Variants in U2SURP observed in about 807,000 individuals in gnomAD.
U2SURP encodes U2 snRNP-associated SURP motif-containing protein.
U2SURP carries 9 observed loss-of-function variants against 144.9 expected under a neutral mutation model. The observed-to-expected ratio is 0.06, with a 90% CI of 0.04 to 0.11. The LOEUF (loss-of-function observed/expected upper bound fraction) is 0.11, where lower values mean the gene tolerates loss of function less well. U2SURP is among the 10% of genes least tolerant of loss of function. The pLI, the probability that U2SURP is intolerant of heterozygous loss-of-function variation, is 1.00. For missense variants in U2SURP, 724 were observed against 1,226.7 expected, an observed-to-expected ratio of 0.59 and a Z score of 6.12; for synonymous variants, 408 against 396.8, an observed-to-expected ratio of 1.03 and a Z score of -0.33.
Position 143,038,874 on chromosome 3 carries a change from C to G in U2SURP, c.2318-20C>G. On this transcript the variant is annotated intron_variant, in intron 22 of 27. Coordinates refer to ENST00000473835, the MANE Select transcript of U2SURP (RefSeq NM_001080415.2). ...CTAGTTTACCTCGTGGAATTACATC[C>G]TCCTTTTCCTTTCATTCAGCTGTTA... is the stretch of plus-strand genomic sequence containing the variant. The G allele has an allele frequency of 6.6e-7, 1 of 1,525,338 alleles. No individual in the cohort carries two copies. The highest frequency in any genetic ancestry group is 1.4e-5 in the African/African-American group (1 of 71,368). 94.5% of individuals were successfully genotyped at this position (1,525,338 alleles called of 1,614,324 possible). A position where few individuals can be genotyped will look rare whatever the true frequency, so the allele number is the denominator to read the frequency against.
intron 24 of U2SURP, among the ~76,000 whole-genome samples, chr3:143,048,948 CAA>C (rs1437324549): frequency 2.0e-5 from 3 of 151,706 alleles, no homozygotes; most frequent in African/African-American, 7.3e-5. Context: ...TTCATGAAGT[CAA>C]AAATAGTGAA....
At chr3:143,024,181 A>G (rs1322812859) in intron 13 of U2SURP, among the ~76,000 whole-genome samples, 163 bp downstream of exon 13, 2 of 152,110 alleles carry the variant, frequency 1.3e-5, no homozygotes, top group African/African-American at 4.8e-5. Flanking sequence ...ACTTTTGTAT[A>G]CTTTGCAATT....
intron 23 of U2SURP, among the ~76,000 whole-genome samples, chr3:143,039,459 T>A (rs975125967): frequency 1.3e-5 from 2 of 151,928 alleles, no homozygotes; most frequent in African/African-American, 4.8e-5. Context: ...TTTTGCTGTT[T>A]GGTAATCACC....
intron 14 of U2SURP, 59 bp downstream of exon 14, chr3:143,027,312 T>C (rs1199971923): frequency 7.6e-7 from 1 of 1,317,324 alleles, no homozygotes; most frequent in Non-Finnish European, 1.1e-6. Flanking sequence ...ATTTTAACTA[T>C]TTTTAAGTAT....
chr3:143,021,626 AAAAT>A lies in U2SURP; in HGVS notation c.852+72_852+75del, dbSNP rs1218021368. 25 of 1,435,692 alleles carry A rather than the reference AAAAT, an allele frequency of 1.7e-5. No homozygotes were observed. In the African/African-American group the frequency reaches 2.7e-4, roughly 16 times the overall value. The allele number at this position is 1,435,692 out of a possible 1,614,324, so 88.9% of individuals were successfully genotyped here. On this transcript the variant is annotated intron_variant, in intron 10 of 27. Coordinates refer to ENST00000473835, the MANE Select transcript of U2SURP (RefSeq NM_001080415.2). ...TGGAAGAAAGCTTTGTTAGTCAAAA[AAAAT>A]CAAGATTCTGAAGCTGACAAATCTG...
chr3:143,027,120 C>T (rs1458074519), intron 13 of U2SURP, 29 bp from the exon 14 acceptor site: 2 of 1,540,336 alleles, frequency 1.3e-6, no homozygotes, highest in Non-Finnish European at 1.8e-6. Context: ...GGTCTGAATC[C>T]ATTTTCTTTA....
chr3:143,024,148 G>C lies in U2SURP; in HGVS notation c.1274+130G>C, dbSNP rs1309766947. The stretch of plus-strand genomic sequence containing the variant: ...TGGTTCCTTCCCAGTACTTTTTGCG[G>C]GGGGATGTGTGAAATTTAACTAACT... On this transcript the variant is annotated intron_variant, in intron 13 of 27. Transcript: ENST00000473835. 5.4e-5 allele frequency: 43 copies of C among 794,870 alleles called. No individual in the cohort carries two copies. In the Admixed American group the frequency reaches 1.2e-3, roughly 22 times the overall value. The allele number at this position is 794,870 out of a possible 1,614,324, so 49.2% of individuals were successfully genotyped here. A position where few individuals can be genotyped will look rare whatever the true frequency, so the allele number is the denominator to read the frequency against.
intron 23 of U2SURP, among the ~76,000 whole-genome samples, chr3:143,041,800 C>T (rs898414592): frequency 1.3e-5 from 2 of 151,972 alleles, no homozygotes; most frequent in African/African-American, 4.8e-5. Flanking sequence ...CATAGAAGGG[C>T]TTGCGAGATT....
chr3:143,003,619 C>G (rs1243409825), intron 1 of U2SURP, among the ~76,000 whole-genome samples: 1 of 147,700 alleles, frequency 6.8e-6, no homozygotes, highest in African/African-American at 2.5e-5. Context: ...GATTTGGAAT[C>G]TAAGTCATCA....
At position 143,010,871 on chromosome 3, in the gene U2SURP, A is replaced by C. The variant is rs1560176151; in HGVS notation, c.90+12A>C. 2.5e-6 allele frequency: 4 copies of C among 1,598,700 alleles called. No homozygotes were observed. Among genetic ancestry groups the C allele is most frequent in the African/African-American group, 2.7e-5 (2 of 74,720 alleles). The stretch of plus-strand genomic sequence containing the variant: ...CTTCAGATGCACATGTGAGTATAGA[A>C]GGCAATCTTTGTCTTTTTTCCTTTA... On this transcript the variant is annotated intron_variant, in intron 2 of 27. Coordinates refer to ENST00000473835, the MANE Select transcript of U2SURP (RefSeq NM_001080415.2).
chr3:143,033,228 A>G, intron 17 of U2SURP, 43 bp from the exon 18 acceptor site: 1 of 1,184,668 alleles, frequency 8.4e-7, no homozygotes, highest in Non-Finnish European at 1.2e-6. Context: ...GCTAAACATT[A>G]GCCTTATATT....
rs1487565022 is a variant in U2SURP, at chr3:143,001,626, A to C, written c.-3A>C. ...CGCCGCCGAAGGAGGGGCAAAGCTC[A>C]AGATGGCGGACAAAACGCCAGGCGG... On this transcript the variant is annotated 5_prime_UTR_variant, in exon 1 of 28. Transcript: ENST00000473835. The C allele has an allele frequency of 6.2e-7, 1 of 1,614,036 alleles. No individual in the cohort carries two copies. The highest frequency in any genetic ancestry group is 8.5e-7 in the Non-Finnish European group (1 of 1,179,900).
chr3:143,030,017 T>C (rs888772844), intron 16 of U2SURP, among the ~76,000 whole-genome samples: 2 of 152,174 alleles, frequency 1.3e-5, no homozygotes, highest in African/African-American at 4.8e-5. Context: ...CAGTGATTGG[T>C]TTTTGAGGTT....
intron 25 of U2SURP, 22 bp from the exon 26 acceptor site, chr3:143,053,654 T>C: frequency 8.2e-7 from 1 of 1,222,810 alleles, no homozygotes; most frequent in East Asian, 2.5e-5. Context: ...AACAACTTAA[T>C]ATTTTCTATA....
At chr3:143,049,468 A>T (rs1021704778) in intron 24 of U2SURP, among the ~76,000 whole-genome samples, 44 of 152,210 alleles carry the variant, frequency 2.9e-4, no homozygotes, top group African/African-American at 1.1e-3. Context: ...GTTAGCATCT[A>T]CAGTAATTTC....
At chr3:143,020,487 T>G (rs767868669) in intron 7 of U2SURP, 112 bp from the exon 8 acceptor site, 10 of 745,266 alleles carry the variant, frequency 1.3e-5, no homozygotes, top group Non-Finnish European at 2.3e-5. Flanking sequence ...GTACCAGTAT[T>G]TAATTACAGA....
chr3:143,055,275 ACCT>A (rs1935088006), intron 27 of U2SURP, among the ~76,000 whole-genome samples, 156 bp downstream of exon 27: 1 of 150,786 alleles, frequency 6.6e-6, no homozygotes. Context: ...ATTCCTCCCC[ACCT>A]CCTCATCCCA....
At chr3:143,023,945 GTTTA>G in intron 12 of U2SURP, 26 bp from the exon 13 acceptor site, 1 of 1,607,552 alleles carries the variant, frequency 6.2e-7, no homozygotes, top group Non-Finnish European at 8.5e-7. Context: ...CATATTCTAT[GTTTA>G]TTATCTGATG....
rs1935320368 is a variant in U2SURP at position 143,060,277 on chromosome 3, GAC to G, written c.*3829_*3830del. ...TCTGGTGATTTGAAATATCAGGAAA[GAC>G]AGTTTGTCAGAAATGAGAATAATAT... On this transcript the variant is annotated 3_prime_UTR_variant, in exon 28 of 28. Coordinates refer to ENST00000473835, the MANE Select transcript of U2SURP (RefSeq NM_001080415.2). The G allele has an allele frequency of 6.6e-6, 1 of 152,404 alleles. No individual in the cohort carries two copies. The highest frequency in any genetic ancestry group is 2.1e-4 in the South Asian group (1 of 4,822). The allele number at this position is 152,404 out of a possible 1,614,324, so 9.4% of individuals were successfully genotyped here.
Sources: gnomAD v4.1 joint callset for allele counts (sites outside exome capture counted in the v4.1 genomes callset) on GRCh38, gnomAD v4.1.1 for gene constraint, MANE v1.5 for transcripts, NCBI Gene and HGNC (gene_info 2026-07-23, HGNC 2026-07-21) for gene names.